The following STRN3 variants were observed in gnomAD, a reference collection of about 807,000 sequenced individuals.
The protein encoded by STRN3 is striatin-3.
STRN3 carries 29 observed loss-of-function variants against 95.6 expected under a neutral mutation model. The observed-to-expected ratio is 0.30, with a 90% CI of 0.23 to 0.41. STRN3 has a LOEUF of 0.41. STRN3 is among the 10% of genes least tolerant of loss of function. The pLI is 1.00. For synonymous variants in STRN3, 331 were observed against 357.6 expected (o/e 0.93, Z 0.84); for missense variants, 890 against 972.1 (o/e 0.92, Z 1.12).
At chr14:31,004,290 TAAAAAAAAAGTTAA>T (rs989205634) in intron 1 of STRN3, among the ~76,000 whole-genome samples, 28 of 145,804 alleles carry the variant, frequency 1.9e-4, no homozygotes, top group Non-Finnish European at 3.8e-4. Context: ...CAACCCTGCC[TAAAAAAAAAGTTAA>T]AAAAAAAAAA....
intron 1 of STRN3, among the ~76,000 whole-genome samples, chr14:30,965,790 CAACA>C (rs1465316807): frequency 1.6e-4 from 17 of 103,568 alleles, no homozygotes; most frequent in Non-Finnish European, 3.1e-4. Context: ...AAAAAAAAAA[CAACA>C]AACAAAAGTG....
intron 1 of STRN3, among the ~76,000 whole-genome samples, chr14:30,984,127 G>A (rs868667248): frequency 1.2e-4 from 10 of 81,434 alleles, no homozygotes; most frequent in East Asian, 4.0e-4. Context: ...CATCTTCCCC[G>A]CCCCCCCCAA....
At chr14:30,907,669 C>T (rs1352737226) in intron 13 of STRN3, among the ~76,000 whole-genome samples, 25 of 152,170 alleles carry the variant, frequency 1.6e-4, no homozygotes. Context: ...TCACAGTCCA[C>T]TGCAGCCTTG....
intron 1 of STRN3, among the ~76,000 whole-genome samples, chr14:30,979,576 G>A (rs774358007): frequency 1.3e-5 from 2 of 151,964 alleles, no homozygotes; most frequent in East Asian, 1.9e-4. Flanking sequence ...AAAGGTGTTC[G>A]TTGATTTGCG....
chr14:30,959,726 G>A (rs1187760571), intron 1 of STRN3, among the ~76,000 whole-genome samples: 2 of 151,956 alleles, frequency 1.3e-5, no homozygotes, highest in Non-Finnish European at 2.9e-5. Flanking sequence ...GAAGCTGGGG[G>A]GTGGGGGAGA....
chr14:30,927,048 A>C (rs1325337991), intron 8 of STRN3, among the ~76,000 whole-genome samples: 1 of 152,190 alleles, frequency 6.6e-6, no homozygotes, highest in Non-Finnish European at 1.5e-5. Flanking sequence ...TCGTGCCTAT[A>C]ATCTTAACAC....
chr14:30,991,144 A>T (rs1881934351), intron 1 of STRN3, among the ~76,000 whole-genome samples: 1 of 152,186 alleles, frequency 6.6e-6, no homozygotes, highest in African/African-American at 2.4e-5. Context: ...ACCAGGTATG[A>T]TCATACCATT....
At chr14:30,953,847 C>A (rs772877265) in intron 3 of STRN3, among the ~76,000 whole-genome samples, 25 of 152,146 alleles carry the variant, frequency 1.6e-4, no homozygotes, top group Admixed American at 6.6e-5. Flanking sequence ...CCAGGCTGGT[C>A]TTGAACTCCT....
At chr14:30,957,251 G>A (rs186141676) in intron 1 of STRN3, among the ~76,000 whole-genome samples, 22 of 152,122 alleles carry the variant, frequency 1.4e-4, no homozygotes, top group Admixed American at 7.2e-4. Flanking sequence ...TCAGGAGATC[G>A]AGACCATCCT....
intron 1 of STRN3, among the ~76,000 whole-genome samples, chr14:31,012,826 A>G (rs900520608): frequency 2.4e-4 from 37 of 151,706 alleles, no homozygotes; most frequent in Admixed American, 2.4e-3. Flanking sequence ...ACCTGAAGGC[A>G]GAGGTTGCAG....
rs1896060584 is a variant in STRN3 at position 30,893,953 on chromosome 14, T to TA, written c.*1457dup. 1 of 152,636 alleles carries TA rather than the reference T, an allele frequency of 6.6e-6. No individual in the cohort carries two copies. Among genetic ancestry groups the TA allele is most frequent in the Non-Finnish European group, 1.5e-5 (1 of 68,024 alleles). 9.5% of individuals were successfully genotyped at this position (152,636 alleles called of 1,614,324 possible). A position where few individuals can be genotyped will look rare whatever the true frequency, so the allele number is the denominator to read the frequency against. ...TATTTTTCAACAGCTGTATGTTTGC[T>TA]ATGTGGTACAATCTTAAAAATTTGC... On this transcript the variant is annotated 3_prime_UTR_variant, in exon 18 of 18. Coordinates refer to ENST00000357479, the MANE Select transcript of STRN3 (RefSeq NM_001083893.2).
At chr14:30,914,489 A>T (rs1459214161) in intron 9 of STRN3, among the ~76,000 whole-genome samples, 2 of 152,190 alleles carry the variant, frequency 1.3e-5, no homozygotes, top group East Asian at 3.9e-4. Context: ...AGTAGCTGGG[A>T]TTACAGGCGC....
intron 1 of STRN3, 98 bp from the exon 2 acceptor site, chr14:30,956,340 T>C: frequency 9.1e-7 from 1 of 1,096,124 alleles, no homozygotes; most frequent in Non-Finnish European, 1.3e-6. Flanking sequence ...TGCACTTGAC[T>C]CATGATATCA....
intron 5 of STRN3, among the ~76,000 whole-genome samples, chr14:30,942,154 C>T (rs553441053): frequency 1.3e-5 from 2 of 152,274 alleles, no homozygotes; most frequent in Admixed American, 1.3e-4. Flanking sequence ...GATTCCAAAT[C>T]GTTAAATTCT....
intron 1 of STRN3, among the ~76,000 whole-genome samples, chr14:30,987,030 T>C (rs1225700707): frequency 1.3e-5 from 2 of 152,210 alleles, no homozygotes; most frequent in African/African-American, 2.4e-5. Flanking sequence ...ATTTTGTTTC[T>C]TAATTTCAGT....
chr14:30,946,249 C>G (rs1310847136), intron 5 of STRN3, among the ~76,000 whole-genome samples: 5 of 152,100 alleles, frequency 3.3e-5, no homozygotes, highest in Admixed American at 1.3e-4. Context: ...CTGTTGTTAT[C>G]AAAACTTAAC....
At chr14:30,927,930 CAAAAAAAAA>C (rs56216107) in intron 8 of STRN3, among the ~76,000 whole-genome samples, 18 of 85,074 alleles carry the variant, frequency 2.1e-4, no homozygotes, top group African/African-American at 6.7e-4. Context: ...GAGACTCCGT[CAAAAAAAAA>C]AAAAAAAAAA....
At chr14:31,003,528 G>C (rs933145670) in intron 1 of STRN3, among the ~76,000 whole-genome samples, 38 of 152,044 alleles carry the variant, frequency 2.5e-4, no homozygotes, top group African/African-American at 8.9e-4. Context: ...GAGGTGGCTA[G>C]CAAGTGAGTT....
At position 30,919,017 on chromosome 14, in the gene STRN3, T is replaced by C. The variant is rs1304007106; in HGVS notation, c.1189A>G (p.Arg397Gly). The C allele has an allele frequency of 6.2e-7, 1 of 1,612,480 alleles. No homozygotes were observed. Residue 397 changes from arginine to glycine, a missense_variant, in exon 9 of 18, where the codon AGG becomes GGG. This residue lies in a region of STRN3 where 526 missense variants were observed against 526.3 expected (regional missense o/e 1.00). Transcript: ENST00000357479. ...TCAGTCATTCTAGTAGAGGCTGACC[T>C]AGACTGATTAATGATTCCTGAAGGG... ...HIPSGIINQS[R>G]SASTRMTDHE...
Sources: gnomAD v4.1 joint callset for allele counts (sites outside exome capture counted in the v4.1 genomes callset) on GRCh38, gnomAD v4.1.1 for gene constraint, gnomAD v4.1.1 regional missense constraint, MANE v1.5 for transcripts, NCBI Gene and HGNC (gene_info 2026-07-23, HGNC 2026-07-21) for gene names.